Variants in YES1 observed in about 807,000 individuals in gnomAD.
The protein encoded by YES1 is tyrosine-protein kinase Yes.
Under a neutral mutation model 70.4 loss-of-function variants are expected in YES1, and 39 were observed. The observed-to-expected ratio is 0.55, with a 90% confidence interval of 0.43 to 0.72. The LOEUF is 0.72. Ranked by LOEUF, YES1 falls within the 30% of genes least tolerant of loss-of-function variation. The pLI, the probability that YES1 is intolerant of heterozygous loss-of-function variation, is 0.00. For synonymous variants in YES1, 198 were observed against 218.6 expected (o/e 0.91, Z 0.83); for missense variants, 495 against 644.8 (o/e 0.77, Z 2.52).
At chr18:740,020 A>G (rs1189108359) in intron 8 of YES1, among the ~76,000 whole-genome samples, 1 of 152,176 alleles carries the variant, frequency 6.6e-6, no homozygotes, top group East Asian at 1.9e-4. Context: ...TAACACATGC[A>G]AAAAAAGAAA....
At chr18:789,089 T>C (rs893299596) in intron 1 of YES1, among the ~76,000 whole-genome samples, 1 of 152,230 alleles carries the variant, frequency 6.6e-6, no homozygotes, top group African/African-American at 2.4e-5. Flanking sequence ...ATACATGCTT[T>C]AGTTGCTTCT....
At chr18:796,003 T>C (rs1342918856) in intron 1 of YES1, among the ~76,000 whole-genome samples, 1 of 151,646 alleles carries the variant, frequency 6.6e-6, no homozygotes, top group Non-Finnish European at 1.5e-5. Context: ...AACTGGGATA[T>C]AAAAGACAAT....
chr18:735,398 GA>G (rs1432180578), intron 10 of YES1, among the ~76,000 whole-genome samples: 1 of 151,726 alleles, frequency 6.6e-6, no homozygotes, highest in Non-Finnish European at 1.5e-5. Context: ...CTCAGGGATG[GA>G]AAACCAAATA....
chr18:750,993 T>C (rs1196712382), intron 3 of YES1, among the ~76,000 whole-genome samples: 1 of 152,212 alleles, frequency 6.6e-6, no homozygotes, highest in Non-Finnish European at 1.5e-5. Flanking sequence ...ATTGTTGTTA[T>C]CATTGTCGTT....
chr18:798,161 C>A (rs898110336), intron 1 of YES1: 1 of 152,056 alleles, frequency 6.6e-6, no homozygotes, highest in Non-Finnish European at 1.5e-5. Flanking sequence ...TTTGTTTGTT[C>A]TAGTTTTTCT....
intron 1 of YES1, among the ~76,000 whole-genome samples, chr18:799,837 A>G (rs892901246): frequency 1.3e-5 from 2 of 152,170 alleles, no homozygotes; most frequent in African/African-American, 4.8e-5. Flanking sequence ...GGAGGCAGAG[A>G]TCATGCCACT....
In YES1 at chr18:764,882, A is replaced by G. The variant is rs776157403; in HGVS notation, c.-8-8047T>C. On this transcript the variant is annotated intron_variant, in intron 1 of 11. Transcript: ENST00000314574. ...CGAGTAGCTGGGATTACAGGTGCAC[A>G]CCACCACACCCGGCTAATTTTTTGT... is the stretch of plus-strand genomic sequence containing the variant. Among the ~76,000 whole-genome samples, 20 of 151,480 alleles carry G rather than the reference A, an allele frequency of 1.3e-4. 1 individual carries two copies. Among genetic ancestry groups the G allele is most frequent in the Admixed American group, 2.6e-4 (4 of 15,192 alleles).
chr18:738,816 C>T (rs772523762), intron 9 of YES1: 3 of 151,498 alleles, frequency 2.0e-5, no homozygotes, highest in Admixed American at 6.6e-5. Context: ...ATAGACTTTA[C>T]ATTTGTGGAA....
intron 11 of YES1, among the ~76,000 whole-genome samples, chr18:728,269 G>A (rs2145665107): frequency 6.6e-6 from 1 of 151,432 alleles, no homozygotes; most frequent in South Asian, 2.1e-4. Context: ...AGAGGCTGCA[G>A]TGAGCCCTGA....
intron 1 of YES1, among the ~76,000 whole-genome samples, chr18:797,736 G>A (rs1039414530): frequency 1.3e-5 from 2 of 152,186 alleles, no homozygotes; most frequent in African/African-American, 4.8e-5. Flanking sequence ...AACTTTCAGT[G>A]TCTGCATTTA....
In YES1 at chr18:744,547, G is replaced by A. The variant is rs548161768; in HGVS notation, c.725-1132C>T. Among the ~76,000 whole-genome samples, 92 of 151,728 alleles carry A rather than the reference G, an allele frequency of 6.1e-4. No individual in the cohort carries two copies. In the South Asian group the frequency reaches 0.017, roughly 28 times the overall value. ...TGAGCCTACAGGTGCATGCCACCACGCCTGGCTAAATTTTTTTATATTTTA... is the reference window on the plus strand; with the variant it reads ...TGAGCCTACAGGTGCATGCCACCACACCTGGCTAAATTTTTTTATATTTTA... On this transcript the variant is annotated intron_variant, in intron 6 of 11. Coordinates refer to ENST00000314574, the MANE Select transcript of YES1 (RefSeq NM_005433.4).
intron 1 of YES1, among the ~76,000 whole-genome samples, chr18:797,511 G>T (rs1299609872): frequency 5.9e-5 from 9 of 151,918 alleles, no homozygotes; most frequent in Admixed American, 5.9e-4. Context: ...ACTGTTAGAA[G>T]AAAACTAAGC....
chr18:775,494 G>T (rs986124701), intron 1 of YES1, among the ~76,000 whole-genome samples: 7 of 152,016 alleles, frequency 4.6e-5, no homozygotes, highest in African/African-American at 1.7e-4. Flanking sequence ...TGCTTGTAAG[G>T]CTTCTCATAA....
chr18:797,998 G>C (rs1906628529), intron 1 of YES1: 1 of 152,164 alleles, frequency 6.6e-6, no homozygotes, highest in African/African-American at 2.4e-5. Context: ...ACAGGGGAAA[G>C]CACGAACACA....
chr18:788,164 T>C (rs986036539), intron 1 of YES1, among the ~76,000 whole-genome samples: 4 of 152,234 alleles, frequency 2.6e-5, no homozygotes, highest in African/African-American at 9.6e-5. Context: ...AAAAAATTAA[T>C]ATGGAAATAG....
At chr18:799,255 A>G (rs1182702015) in intron 1 of YES1, among the ~76,000 whole-genome samples, 2 of 152,156 alleles carry the variant, frequency 1.3e-5, no homozygotes, top group Non-Finnish European at 2.9e-5. Flanking sequence ...TGTTCTCCCA[A>G]AATTCATTCT....
chr18:765,013 C>T (rs1016642879), intron 1 of YES1, among the ~76,000 whole-genome samples: 18 of 151,840 alleles, frequency 1.2e-4, no homozygotes, highest in Non-Finnish European at 1.5e-4. Context: ...AGATTACAGG[C>T]GTGAGCCACC....
intron 1 of YES1, among the ~76,000 whole-genome samples, chr18:771,003 C>A (rs528922384): frequency 6.7e-6 from 1 of 148,224 alleles, no homozygotes; most frequent in Middle Eastern, 3.4e-3. Flanking sequence ...GATATCCCAT[C>A]TCAAAAAAAA....
chr18:795,799 A>C (rs1906511376), intron 1 of YES1, among the ~76,000 whole-genome samples: 1 of 151,850 alleles, frequency 6.6e-6, no homozygotes, highest in Non-Finnish European at 1.5e-5. Flanking sequence ...GAAATACCTA[A>C]TGCATGCGGG....
Sources: allele counts gnomAD v4.1 joint callset (sites outside exome capture counted in the v4.1 genomes callset), GRCh38; gene constraint gnomAD v4.1.1; transcripts MANE v1.5; gene names NCBI Gene and HGNC (gene_info 2026-07-23, HGNC 2026-07-21).